The following MYH15 variants were observed in gnomAD, a reference collection of about 807,000 sequenced individuals.
MYH15 encodes myosin heavy chain 15.
Under a neutral mutation model 240.5 loss-of-function variants are expected in MYH15, and 227 were observed. That is an observed-to-expected ratio of 0.94 (90% CI 0.85 to 1.05). The LOEUF (loss-of-function observed/expected upper bound fraction) is 1.05. Among genes scored for constraint, MYH15 ranks in the 50% least tolerant of loss-of-function variants. The probability of loss-of-function intolerance (pLI) is 0.00; values close to 1 mark genes in which losing one functional copy is unlikely to be tolerated. For synonymous variants in MYH15, 785 were observed against 796.7 expected, an observed-to-expected ratio of 0.99 and a Z score of 0.25; for missense variants, 2,217 against 2,247.5, an observed-to-expected ratio of 0.99 and a Z score of 0.27.
At chr3:108,491,089 T>C (rs2083343209) in intron 9 of MYH15, among the ~76,000 whole-genome samples, 1 of 152,116 alleles carries the variant, frequency 6.6e-6, no homozygotes, top group South Asian at 2.1e-4. Flanking sequence ...GTTTTTACCA[T>C]GTTAGCCAGG....
At chr3:108,390,467 G>GA (rs1271142384) in intron 37 of MYH15, among the ~76,000 whole-genome samples, 6 of 152,216 alleles carry the variant, frequency 3.9e-5, no homozygotes, top group African/African-American at 1.4e-4. Context: ...TTTTTTAGGG[G>GA]AAAAATGCAT....
chr3:108,387,623 T>C (rs1324296119), intron 38 of MYH15, among the ~76,000 whole-genome samples: 1 of 152,082 alleles, frequency 6.6e-6, no homozygotes, highest in Non-Finnish European at 1.5e-5. Context: ...AAAAGGAAAA[T>C]CCAGACATTA....
chr3:108,394,037 G>T lies in MYH15; in HGVS notation c.5253C>A (p.Ala1751=). Residue 1751 remains alanine (A), a synonymous_variant, in exon 36 of 41, where the codon GCC becomes GCA. Transcript: ENST00000693548. ...QNAEEKAKKA[A]IEAANLSEEL... is the part of the protein sequence containing the mutation. ...ACGTGGTCAAGGGACCCACCTCAAT[G>T]GCTGCCTTCTTGGCCTTCTCTTCTG... The T allele has an allele frequency of 1.2e-6, 2 of 1,613,850 alleles. No individual in the cohort carries two copies. Among genetic ancestry groups the T allele is most frequent in the Non-Finnish European group, 1.7e-6 (2 of 1,179,956 alleles).
At chr3:108,432,931 C>A (rs2082791918) in intron 25 of MYH15, among the ~76,000 whole-genome samples, 2 of 152,156 alleles carry the variant, frequency 1.3e-5, no homozygotes, top group Admixed American at 6.5e-5. Context: ...GGGGTCAGGG[C>A]TCCCACACAG....
chr3:108,544,427 C>T, the MYH15 span, among the ~76,000 whole-genome samples: 1 of 152,118 alleles, frequency 6.6e-6, no homozygotes, highest in African/African-American at 2.4e-5. Context: ...GCAGTATGAT[C>T]ATAAGTTGGG....
chr3:108,522,693 AT>A (rs1422345167), intron 1 of MYH15, among the ~76,000 whole-genome samples: 3 of 152,128 alleles, frequency 2.0e-5, no homozygotes, highest in Non-Finnish European at 4.4e-5. Context: ...AATCTTACTA[AT>A]TGATTAATAA....
At chr3:108,532,302 G>C (rs929960364), upstream of MYH15, among the ~76,000 whole-genome samples, 3 of 151,716 alleles carry the variant, frequency 2.0e-5, no homozygotes, top group African/African-American at 7.3e-5. Flanking sequence ...CACTAATATG[G>C]GTAGACCTTA....
intron 7 of MYH15, among the ~76,000 whole-genome samples, chr3:108,495,382 A>G (rs1222943656): frequency 6.6e-6 from 1 of 152,246 alleles, no homozygotes; most frequent in Non-Finnish European, 1.5e-5. Context: ...TAGTAAGTGA[A>G]TTAGGAAGTG....
chr3:108,391,668 G>A, intron 37 of MYH15, 92 bp downstream of exon 37: 1 of 1,302,860 alleles, frequency 7.7e-7, no homozygotes, highest in South Asian at 1.4e-5. Context: ...TAAAGGGTAT[G>A]TGTGTTGGGG....
intron 11 of MYH15, among the ~76,000 whole-genome samples, chr3:108,480,288 G>C (rs1267892177): frequency 6.6e-6 from 1 of 152,174 alleles, no homozygotes; most frequent in East Asian, 1.9e-4. Context: ...CCTTAACAAT[G>C]AACAGCACGA....
chr3:108,435,812 GTATA>G (rs2082828531), intron 25 of MYH15, among the ~76,000 whole-genome samples: 2 of 143,774 alleles, frequency 1.4e-5, no homozygotes, highest in South Asian at 2.3e-4. Context: ...TTGTGTATAT[GTATA>G]TATACATATA....
intron 1 of MYH15, among the ~76,000 whole-genome samples, chr3:108,508,783 G>C (rs1394753735): frequency 6.6e-6 from 1 of 152,040 alleles, no homozygotes. Flanking sequence ...TCTAATATAA[G>C]AATTATTTAC....
chr3:108,510,208 T>C (rs2083511137), intron 1 of MYH15, among the ~76,000 whole-genome samples: 2 of 152,118 alleles, frequency 1.3e-5, no homozygotes, highest in Admixed American at 6.6e-5. Context: ...TAGGATCAAG[T>C]GTGTAGGGCC....
rs554761955 is a variant in MYH15, at chr3:108,495,089, A to G, written c.711+691T>C. On this transcript the variant is annotated intron_variant, in intron 7 of 40. Coordinates refer to ENST00000693548, the MANE Select transcript of MYH15 (RefSeq NM_014981.3). ...AGCTCTAAGGCTTTGGATGGAAACT[A>G]GCCAAATCGGCATGAGGTTATTATT... 2.0e-5 allele frequency among the ~76,000 whole-genome samples: 3 copies of G among 152,368 alleles called. No individual in the cohort carries two copies. In the South Asian group the frequency reaches 6.2e-4, roughly 32 times the overall value.
chr3:108,437,973 T>C (rs146043928), intron 24 of MYH15, among the ~76,000 whole-genome samples: 38 of 152,334 alleles, frequency 2.5e-4, no homozygotes, highest in African/African-American at 8.9e-4. Flanking sequence ...CAGTGAGCCC[T>C]TGATTGATCG....
intron 37 of MYH15, among the ~76,000 whole-genome samples, chr3:108,389,883 C>T (rs955187011): frequency 3.9e-5 from 6 of 152,086 alleles, no homozygotes; most frequent in East Asian, 3.9e-4. Context: ...TTCTTGAGAA[C>T]GGGAAGGCCA....
chr3:108,545,047 C>G, the MYH15 span, among the ~76,000 whole-genome samples: 4 of 152,132 alleles, frequency 2.6e-5, no homozygotes, highest in African/African-American at 9.7e-5. Flanking sequence ...TGTACAACCT[C>G]ACAATGAATT....
chr3:108,493,996 G>A (rs2083373100), intron 7 of MYH15, among the ~76,000 whole-genome samples: 1 of 152,212 alleles, frequency 6.6e-6, no homozygotes, highest in Admixed American at 6.5e-5. Flanking sequence ...GCTGTCCAGA[G>A]GTGCCAGTGC....
rs773331383 is a variant in MYH15 at position 108,383,573 on chromosome 3, C to T, written c.5766+22G>A. ...AACAAACATGATTAAAGAGTTAGAA[C>T]AGAGTTGAATATCTGCCATACCTTT... On this transcript the variant is annotated intron_variant, in intron 40 of 40. Coordinates refer to ENST00000693548, the MANE Select transcript of MYH15 (RefSeq NM_014981.3). The T allele has an allele frequency of 4.3e-6, 7 of 1,610,138 alleles. No homozygotes were observed. The African/African-American group carries it at 6.7e-5, about 15-fold the overall frequency.
Sources: allele counts gnomAD v4.1 joint callset (sites outside exome capture counted in the v4.1 genomes callset), GRCh38; gene constraint gnomAD v4.1.1; transcripts MANE v1.5; gene names NCBI Gene and HGNC (gene_info 2026-07-23, HGNC 2026-07-21).